The following PTPRE variants were observed in gnomAD, a reference collection of about 807,000 sequenced individuals.
PTPRE encodes the protein receptor-type tyrosine-protein phosphatase epsilon.
PTPRE carries 51 observed loss-of-function variants against 102.0 expected under a neutral mutation model. That is an observed-to-expected ratio of 0.50 (90% CI 0.40 to 0.63). PTPRE has a LOEUF of 0.63. Among genes scored for constraint, PTPRE ranks in the 30% least tolerant of loss-of-function variants. The pLI is 0.00. For synonymous variants in PTPRE, 345 were observed against 348.2 expected, an observed-to-expected ratio of 0.99 and a Z score of 0.10; for missense variants, 752 against 915.1, an observed-to-expected ratio of 0.82 and a Z score of 2.30.
chr10:128,030,513 T>C (rs936373233), intron 2 of PTPRE, among the ~76,000 whole-genome samples: 2 of 152,102 alleles, frequency 1.3e-5, no homozygotes, highest in Non-Finnish European at 2.9e-5. Flanking sequence ...TGCCGTGAGT[T>C]GATGTGCTGG....
intron 2 of PTPRE, among the ~76,000 whole-genome samples, chr10:127,989,160 A>G (rs118083226): frequency 0.02 from 2,985 of 152,128 alleles, 39 homozygotes; most frequent in Non-Finnish European, 0.029. Context: ...TAACATATAC[A>G]TATAGATAGC....
intron 1 of PTPRE, chr10:127,964,960 G>C (rs1445049436): frequency 2.2e-6 from 1 of 456,432 alleles, no homozygotes; most frequent in East Asian, 6.9e-5. Context: ...ATGAAGGACA[G>C]GGACCGTGCC....
At chr10:128,023,445 G>T (rs2135704260) in intron 2 of PTPRE, among the ~76,000 whole-genome samples, 1 of 152,222 alleles carries the variant, frequency 6.6e-6, no homozygotes, top group South Asian at 2.1e-4. Context: ...TAGGTGAGTA[G>T]AGTACAAGAT....
chr10:127,942,693 A>G (rs1848333486), intron 1 of PTPRE, among the ~76,000 whole-genome samples: 1 of 152,172 alleles, frequency 6.6e-6, no homozygotes, highest in Admixed American at 6.5e-5. Flanking sequence ...CAGAAAGTTG[A>G]ATGGTGGGTG....
intron 1 of PTPRE, among the ~76,000 whole-genome samples, chr10:127,923,072 C>T (rs1457068300): frequency 6.6e-6 from 1 of 152,246 alleles, no homozygotes; most frequent in African/African-American, 2.4e-5. Context: ...TCCCAGCCTG[C>T]ACTCCTGTCC....
intron 1 of PTPRE, among the ~76,000 whole-genome samples, chr10:127,974,413 A>T (rs1043414990): frequency 6.6e-6 from 1 of 152,096 alleles, no homozygotes; most frequent in Non-Finnish European, 1.5e-5. Flanking sequence ...GTTTTTGTTT[A>T]TGTGTTCTTC....
At chr10:127,980,044 G>A (rs1243331233) in intron 1 of PTPRE, among the ~76,000 whole-genome samples, 1 of 152,098 alleles carries the variant, frequency 6.6e-6, no homozygotes, top group Non-Finnish European at 1.5e-5. Context: ...TCATTTTGGG[G>A]AGTGGAAAGG....
chr10:128,069,655 G>C, intron 12 of PTPRE, 37 bp from the exon 13 acceptor site: 1 of 1,612,120 alleles, frequency 6.2e-7, no homozygotes, highest in Non-Finnish European at 8.5e-7. Context: ...CGGGAGGAGT[G>C]TGACTCACGA....
At chr10:127,937,886 C>T (rs1423915888) in intron 1 of PTPRE, among the ~76,000 whole-genome samples, 2 of 151,542 alleles carry the variant, frequency 1.3e-5, no homozygotes, top group South Asian at 2.1e-4. Flanking sequence ...ATAAGCTACT[C>T]GTAAGGGGTG....
chr10:128,001,291 C>T (rs939828045), intron 2 of PTPRE, among the ~76,000 whole-genome samples: 1 of 152,076 alleles, frequency 6.6e-6, no homozygotes, highest in African/African-American at 2.4e-5. Flanking sequence ...GGGAAGTTCT[C>T]AGGAAGTCTT....
At chr10:127,947,523 C>T (rs1022133207) in intron 1 of PTPRE, among the ~76,000 whole-genome samples, 1 of 152,172 alleles carries the variant, frequency 6.6e-6, no homozygotes, top group African/African-American at 2.4e-5. Context: ...TGCTTACATC[C>T]TCTGATGCCT....
intron 10 of PTPRE, 143 bp downstream of exon 10, chr10:128,063,323 CT>C: frequency 7.1e-7 from 1 of 1,416,638 alleles, no homozygotes; most frequent in Non-Finnish European, 9.4e-7. Context: ...CATGCAGTGG[CT>C]TACAGCATTT....
At chr10:127,993,778 TGTGTGTGTGC>T (rs1852944838) in intron 2 of PTPRE, among the ~76,000 whole-genome samples, 3 of 151,584 alleles carry the variant, frequency 2.0e-5, no homozygotes, top group Non-Finnish European at 2.9e-5. Context: ...GGTGTGTGTG[TGTGTGTGTGC>T]GTGTGTGTGT....
intron 9 of PTPRE, 182 bp from the exon 10 acceptor site, chr10:128,062,901 G>A (rs922337180): frequency 4.7e-6 from 5 of 1,063,196 alleles, no homozygotes; most frequent in Non-Finnish European, 6.5e-6. Context: ...GAGTGGGTGA[G>A]TGGCAGGACA....
At chr10:128,067,226 A>ACACATACACCCACACACATT (rs1189949729) in intron 11 of PTPRE, among the ~76,000 whole-genome samples, 6 of 121,352 alleles carry the variant, frequency 4.9e-5, no homozygotes, top group Admixed American at 4.1e-4. Context: ...TCACATGCAC[A>ACACATACACCCACACACATT]CACATGCACA....
intron 1 of PTPRE, among the ~76,000 whole-genome samples, chr10:127,923,809 T>A (rs1846802510): frequency 6.6e-6 from 1 of 152,192 alleles, no homozygotes; most frequent in Non-Finnish European, 1.5e-5. Context: ...GGTATCTCTG[T>A]CAGGATCTTG....
intron 2 of PTPRE, among the ~76,000 whole-genome samples, chr10:128,001,588 C>T (rs1392733906): frequency 2.6e-5 from 4 of 152,140 alleles, no homozygotes; most frequent in Non-Finnish European, 4.4e-5. Context: ...AACCCCAGGC[C>T]GACCCCCAGT....
At chr10:128,074,063 G>A (rs967996256) in intron 17 of PTPRE, among the ~76,000 whole-genome samples, 9 of 152,060 alleles carry the variant, frequency 5.9e-5, no homozygotes, top group South Asian at 2.1e-4. Context: ...AGGAAACCTC[G>A]TACCATTAAC....
intron 2 of PTPRE, among the ~76,000 whole-genome samples, chr10:128,000,795 G>A (rs1224627623): frequency 6.6e-6 from 1 of 152,168 alleles, no homozygotes; most frequent in African/African-American, 2.4e-5. Flanking sequence ...GCACTCAGAG[G>A]AAGAGTCGTC....
Sources: allele counts gnomAD v4.1 joint callset (sites outside exome capture counted in the v4.1 genomes callset), GRCh38; gene constraint gnomAD v4.1.1; transcripts MANE v1.5; gene names NCBI Gene and HGNC (gene_info 2026-07-23, HGNC 2026-07-21).